TMEM101: variants seen among roughly 807,000 people sequenced by gnomAD.
The protein encoded by TMEM101 is putative NF-kappa-B-activating protein 130.
In TMEM101, 14 loss-of-function variants were observed where a neutral mutation model predicts 26.0. That is an observed-to-expected ratio of 0.54 (90% CI 0.36 to 0.84). The LOEUF (loss-of-function observed/expected upper bound fraction) is 0.84, where lower values mean the gene tolerates loss of function less well. TMEM101 is among the 40% of genes least tolerant of loss of function. The probability of loss-of-function intolerance (pLI) is 0.01; values close to 1 mark genes in which losing one functional copy is unlikely to be tolerated. For synonymous variants in TMEM101, 152 were observed against 145.1 expected (o/e 1.05, Z -0.34); for missense variants, 292 against 345.1 (o/e 0.85, Z 1.22).
At chr17:44,017,169 T>A (rs1287344192), upstream of TMEM101, among the ~76,000 whole-genome samples, 5 of 100,260 alleles carry the variant, frequency 5.0e-5, no homozygotes, top group African/African-American at 1.3e-4. Context: ...AAAAAAAAAA[T>A]TCCCACCAGG....
upstream of TMEM101, chr17:44,019,344 G>C (rs1234635059): frequency 2.3e-6 from 1 of 436,554 alleles, no homozygotes; most frequent in Non-Finnish European, 4.6e-6. Context: ...CACCAGACTA[G>C]GAAACAACAG....
At chr17:44,014,006 T>C (rs2049194328) in intron 2 of TMEM101, among the ~76,000 whole-genome samples, 1 of 152,274 alleles carries the variant, frequency 6.6e-6, no homozygotes, top group African/African-American at 2.4e-5. Context: ...CTAGGTACTC[T>C]CCAAGGTCCT....
At chr17:44,021,887 T>C (rs1460212759) in intron 1 of TMEM101, among the ~76,000 whole-genome samples, 2 of 152,200 alleles carry the variant, frequency 1.3e-5, no homozygotes, top group African/African-American at 2.4e-5. Flanking sequence ...ACTCCAAAGA[T>C]ACCCTCTTCC....
chr17:44,018,487 CCA>C (rs1460121157), upstream of TMEM101, among the ~76,000 whole-genome samples: 21 of 152,300 alleles, frequency 1.4e-4, no homozygotes, highest in Middle Eastern at 0.01. Context: ...CCAGTGACAA[CCA>C]CACAAAACAA....
upstream of TMEM101, chr17:44,019,293 G>A (rs367839310): frequency 2.9e-5 from 12 of 417,560 alleles, 1 homozygote; most frequent in South Asian, 1.2e-4. Flanking sequence ...GCCTGGGCTC[G>A]AGAGTCGGAC....
At position 44,011,586 on chromosome 17, in the gene TMEM101, T is replaced by C; in HGVS notation, c.*342A>G. 3.2e-6 allele frequency: 1 copy of C among 316,478 alleles called. No individual in the cohort carries two copies. The highest frequency in any genetic ancestry group is 5.9e-6 in the Non-Finnish European group (1 of 169,142). 19.6% of individuals were successfully genotyped at this position (316,478 alleles called of 1,614,324 possible). ...ATTTGCTCACTTCCAATCTCCATCT[T>C]CCTTCCTCTGTCTCCCACTCTCCCA... On this transcript the variant is annotated 3_prime_UTR_variant, in exon 4 of 4. Coordinates refer to ENST00000206380, the MANE Select transcript of TMEM101 (RefSeq NM_032376.4).
At chr17:44,021,625 C>G (rs939804583) in intron 1 of TMEM101, among the ~76,000 whole-genome samples, 1 of 152,196 alleles carries the variant, frequency 6.6e-6, no homozygotes, top group African/African-American at 2.4e-5. Flanking sequence ...AGTTTTTCTA[C>G]AAGTGACAAA....
upstream of TMEM101, among the ~76,000 whole-genome samples, chr17:44,017,950 T>A (rs909033828): frequency 6.6e-6 from 1 of 151,828 alleles, no homozygotes; most frequent in African/African-American, 2.4e-5. Flanking sequence ...CTGGCCAACA[T>A]GGCAAAACCC....
chr17:44,015,865 A>G (rs1409409351), upstream of TMEM101, among the ~76,000 whole-genome samples: 1 of 152,108 alleles, frequency 6.6e-6, no homozygotes, highest in Non-Finnish European at 1.5e-5. Flanking sequence ...GCCCTGAGAG[A>G]AAAAGGAGAT....
rs1035053274 is a variant in TMEM101, at chr17:44,014,930, C to A, written c.23G>T (p.Arg8Ile). The A allele has an allele frequency of 1.9e-6, 3 of 1,613,160 alleles. No individual in the cohort carries two copies. The highest frequency in any genetic ancestry group is 1.7e-6 in the Non-Finnish European group (2 of 1,179,538). MASKIGS[R>I]RWMLQLIMQL... ...CATGATCAGCTGCAACATCCACCGT[C>A]TCGAACCTATCTTCGACGCCATCTT... is the stretch of plus-strand genomic sequence containing the variant. Residue 8 changes from arginine (R) to isoleucine (I), a missense_variant, in exon 1 of 4, where the codon AGA becomes ATA. Physicochemically the swap from Arg to Ile is moderately conservative, Grantham distance 97. Coordinates refer to ENST00000206380, the MANE Select transcript of TMEM101 (RefSeq NM_032376.4).
At chr17:44,021,132 G>A (rs1201549596) in intron 2 of TMEM101, among the ~76,000 whole-genome samples, 1 of 152,132 alleles carries the variant, frequency 6.6e-6, no homozygotes, top group African/African-American at 2.4e-5. Flanking sequence ...GCCCACTCTG[G>A]TGGACCTGAA....
At chr17:44,012,387 G>T in intron 3 of TMEM101, 151 bp from the exon 4 acceptor site, 1 of 710,430 alleles carries the variant, frequency 1.4e-6, no homozygotes, top group Non-Finnish European at 2.3e-6. Flanking sequence ...TAGGGCCTTT[G>T]TCTCCCCCTC....
chr17:44,018,034 AG>A (rs1254171639), upstream of TMEM101, among the ~76,000 whole-genome samples: 21 of 152,260 alleles, frequency 1.4e-4, no homozygotes, highest in African/African-American at 5.1e-4. Context: ...CTGAGGCAGA[AG>A]GATCGCTTGA....
chr17:44,012,989 C>T lies in TMEM101; in HGVS notation c.465+20G>A, dbSNP rs750632501. 3 of 1,535,032 alleles carry T rather than the reference C, an allele frequency of 2.0e-6. No individual in the cohort carries two copies. Among genetic ancestry groups the T allele is most frequent in the East Asian group, 2.3e-5 (1 of 43,154 alleles). ...TTCACTCCCAGCCAGGCACCTCCAA[C>T]CAACAGTCCCCCAACATACCACACA... On this transcript the variant is annotated intron_variant, in intron 3 of 3. Transcript: ENST00000206380.
At chr17:44,020,441 C>A (rs781710763) in intron 2 of TMEM101, among the ~76,000 whole-genome samples, 4 of 152,194 alleles carry the variant, frequency 2.6e-5, no homozygotes, top group Non-Finnish European at 5.9e-5. Flanking sequence ...TTATCCCGGG[C>A]CAGGCGCGGT....
At chr17:44,022,773 C>T (rs1012571569) in intron 1 of TMEM101, among the ~76,000 whole-genome samples, 6 of 152,154 alleles carry the variant, frequency 3.9e-5, no homozygotes, top group African/African-American at 1.4e-4. Context: ...CCAGCCTGGT[C>T]CTTGCAGCCG....
chr17:44,021,653 T>C (rs2049286763), intron 1 of TMEM101, among the ~76,000 whole-genome samples: 1 of 152,228 alleles, frequency 6.6e-6, no homozygotes, highest in African/African-American at 2.4e-5. Flanking sequence ...GGCCTCCTCC[T>C]GAAGAGCTTC....
chr17:44,020,484 G>T (rs945878634), intron 2 of TMEM101, among the ~76,000 whole-genome samples: 1 of 152,192 alleles, frequency 6.6e-6, no homozygotes, highest in African/African-American at 2.4e-5. Flanking sequence ...ACTTTGGGAG[G>T]CCGAGGAGGG....
rs995271370 is a variant in TMEM101, at chr17:44,014,547, G to A, written c.138-10C>T. ...TGGGATGTCGGGCTTCCTGCGAGCC[G>A]GGAGTGGGGAAGCAACGAGGACAGA... On this transcript the variant is annotated splice_polypyrimidine_tract_variant and intron_variant, in intron 1 of 3. Coordinates refer to ENST00000206380, the MANE Select transcript of TMEM101 (RefSeq NM_032376.4). 1.3e-5 allele frequency: 20 copies of A among 1,568,160 alleles called. No individual in the cohort carries two copies. The highest frequency in any genetic ancestry group is 1.7e-5 in the Non-Finnish European group (20 of 1,154,210).
Sources: gnomAD v4.1 joint callset for allele counts (sites outside exome capture counted in the v4.1 genomes callset) on GRCh38, gnomAD v4.1.1 for gene constraint, MANE v1.5 for transcripts, NCBI Gene and HGNC (gene_info 2026-07-23, HGNC 2026-07-21) for gene names.